CHN2: variants seen among roughly 807,000 people sequenced by gnomAD.
The protein encoded by CHN2 is beta-chimaerin.
A neutral mutation model predicts 56.3 loss-of-function variants in CHN2; 35 were observed. The observed-to-expected ratio is 0.62, with a 90% confidence interval of 0.47 to 0.82. CHN2 has a LOEUF of 0.82. Among genes scored for constraint, CHN2 ranks in the 40% least tolerant of loss-of-function variants. The pLI is 0.00. For synonymous variants in CHN2, 210 were observed against 212.8 expected, an observed-to-expected ratio of 0.99 and a Z score of 0.12; for missense variants, 491 against 580.5, an observed-to-expected ratio of 0.85 and a Z score of 1.58.
intron 1 of CHN2, among the ~76,000 whole-genome samples, chr7:29,234,266 C>T (rs78743899): frequency 1.3e-5 from 2 of 151,708 alleles, no homozygotes; most frequent in South Asian, 2.1e-4. Flanking sequence ...ATATAGTGAC[C>T]GAGTGAATGA....
intron 6 of CHN2, among the ~76,000 whole-genome samples, chr7:29,423,986 C>T (rs1804597797): frequency 6.6e-6 from 1 of 152,212 alleles, no homozygotes; most frequent in African/African-American, 2.4e-5. Context: ...CTGCCTCCCA[C>T]TCATGGTGGG....
rs560988075 is a variant in CHN2, at chr7:29,249,842, G to A, written c.49+54852G>A. Among the ~76,000 whole-genome samples the A allele has an allele frequency of 2.0e-5, 3 of 152,316 alleles. No individual in the cohort carries two copies. The South Asian group carries it at 6.2e-4, about 32-fold the overall frequency. On this transcript the variant is annotated intron_variant, in intron 1 of 12. Transcript: ENST00000222792. ...GGAAAAAATAGGAAAGACTTTTCAG[G>A]AATGGTAGCGACATGAATACCAATA...
At chr7:29,228,450 G>A (rs1221288477) in intron 1 of CHN2, among the ~76,000 whole-genome samples, 1 of 152,210 alleles carries the variant, frequency 6.6e-6, no homozygotes. Flanking sequence ...CTAGGTTTGT[G>A]TAAGCACACG....
chr7:29,407,428 G>A (rs1802756133), intron 6 of CHN2, among the ~76,000 whole-genome samples: 1 of 151,926 alleles, frequency 6.6e-6, no homozygotes, highest in Non-Finnish European at 1.5e-5. Context: ...GCAGAGGCGT[G>A]CATTCATTTG....
intron 2 of CHN2, chr7:29,147,071 G>C: frequency 6.9e-7 from 1 of 1,443,402 alleles, no homozygotes; most frequent in Non-Finnish European, 9.3e-7. Context: ...TTTGCAATTG[G>C]GGGACACAAA....
At chr7:29,186,264 T>A (rs1033522956) in intron 2 of CHN2, among the ~76,000 whole-genome samples, 44 of 150,108 alleles carry the variant, frequency 2.9e-4, no homozygotes, top group African/African-American at 1.0e-3. Context: ...AAAAAAAAAA[T>A]GACAGTATCA....
intron 9 of CHN2, among the ~76,000 whole-genome samples, chr7:29,502,704 C>A (rs1247732665): frequency 6.6e-6 from 1 of 152,068 alleles, no homozygotes; most frequent in Admixed American, 6.5e-5. Context: ...TAATTATAAT[C>A]CAAACCATAC....
chr7:29,511,267 A>G (rs1267450500), intron 12 of CHN2, among the ~76,000 whole-genome samples: 1 of 148,370 alleles, frequency 6.7e-6, no homozygotes, highest in Non-Finnish European at 1.5e-5. Flanking sequence ...TTTAGCTCAG[A>G]ATATTCCCAT....
chr7:29,215,876 A>G (rs1218909662), intron 1 of CHN2, among the ~76,000 whole-genome samples: 3 of 152,120 alleles, frequency 2.0e-5, no homozygotes, highest in Non-Finnish European at 4.4e-5. Flanking sequence ...TAAGTGACTG[A>G]TTCTGAATAT....
intron 3 of CHN2, among the ~76,000 whole-genome samples, chr7:29,372,355 T>G (rs2128046020): frequency 6.6e-6 from 1 of 152,198 alleles, no homozygotes; most frequent in Non-Finnish European, 1.5e-5. Context: ...CTTCCTAAAC[T>G]CCATAAAAAA....
chr7:29,291,560 C>A (rs1200487715), intron 1 of CHN2, among the ~76,000 whole-genome samples: 2 of 152,066 alleles, frequency 1.3e-5, no homozygotes, highest in Non-Finnish European at 2.9e-5. Context: ...TATTTCATAT[C>A]TTTAAGTATT....
At chr7:29,456,268 C>G (rs532088743) in intron 6 of CHN2, among the ~76,000 whole-genome samples, 1 of 152,178 alleles carries the variant, frequency 6.6e-6, no homozygotes, top group Non-Finnish European at 1.5e-5. Flanking sequence ...TTTACTACAG[C>G]CTGTTTCACA....
At chr7:29,375,190 CTTTTTTTTTTTT>C (rs70980534) in intron 3 of CHN2, among the ~76,000 whole-genome samples, 1 of 77,908 alleles carries the variant, frequency 1.3e-5, no homozygotes, top group African/African-American at 6.2e-5. Flanking sequence ...GTGCTCGGCC[CTTTTTTTTTTTT>C]TTTTTTTTTT....
chr7:29,466,524 T>TG (rs1785565825), intron 6 of CHN2, among the ~76,000 whole-genome samples: 1 of 152,246 alleles, frequency 6.6e-6, no homozygotes, highest in African/African-American at 2.4e-5. Context: ...CATGTCATAG[T>TG]GATCTCTCTT....
chr7:29,464,862 C>T lies in CHN2; in HGVS notation c.577-15417C>T, dbSNP rs558450819. On this transcript the variant is annotated intron_variant, in intron 6 of 12. Transcript: ENST00000222792. Reference sequence around the variant, plus strand: ...TGTGAAGGTTTTGAGCCCATGGAGACGTTCACAGGCTGCCCTGCTGTTGTT... The same window carrying T: ...TGTGAAGGTTTTGAGCCCATGGAGATGTTCACAGGCTGCCCTGCTGTTGTT... Among the ~76,000 whole-genome samples the T allele has an allele frequency of 5.9e-5, 9 of 152,284 alleles. No individual in the cohort carries two copies. In the South Asian group the frequency reaches 1.7e-3, roughly 28 times the overall value.
intron 6 of CHN2, among the ~76,000 whole-genome samples, chr7:29,459,035 C>T (rs1049342888): frequency 1.3e-5 from 2 of 152,214 alleles, no homozygotes; most frequent in Admixed American, 1.3e-4. Context: ...AATTAAGTTA[C>T]ACTAAACTAG....
In CHN2 at chr7:29,415,118, A is replaced by G. The variant is rs1455015566; in HGVS notation, c.576+14290A>G. Among the ~76,000 whole-genome samples, 7 of 152,370 alleles carry G rather than the reference A, an allele frequency of 4.6e-5. No homozygotes were observed. In the East Asian group the frequency reaches 9.6e-4, roughly 21 times the overall value. On this transcript the variant is annotated intron_variant, in intron 6 of 12. Transcript: ENST00000222792. ...ATCTGTGTGAAACACGGTGCTGCCAATTGCACTTACAACGACTAGCTCGGG... is the reference window on the plus strand; with the variant it reads ...ATCTGTGTGAAACACGGTGCTGCCAGTTGCACTTACAACGACTAGCTCGGG...
intron 10 of CHN2, among the ~76,000 whole-genome samples, chr7:29,505,785 C>T (rs1286284580): frequency 6.6e-6 from 1 of 152,186 alleles, no homozygotes; most frequent in Non-Finnish European, 1.5e-5. Context: ...TGTTGAGTTG[C>T]ATGTCTGTCA....
chr7:29,426,928 C>A (rs931293210), intron 6 of CHN2, among the ~76,000 whole-genome samples: 1 of 152,216 alleles, frequency 6.6e-6, no homozygotes, highest in Non-Finnish European at 1.5e-5. Flanking sequence ...TCCGTCATCA[C>A]GTCCATCTGC....
Sources: gnomAD v4.1 joint callset for allele counts (sites outside exome capture counted in the v4.1 genomes callset) on GRCh38, gnomAD v4.1.1 for gene constraint, MANE v1.5 for transcripts, NCBI Gene and HGNC (gene_info 2026-07-23, HGNC 2026-07-21) for gene names.